Variants in CCSER1 observed in about 807,000 individuals in gnomAD.
CCSER1 encodes the protein coiled-coil serine rich protein 1.
CCSER1 carries 41 observed loss-of-function variants against 82.0 expected under a neutral mutation model. The ratio of observed to expected loss-of-function variants is 0.50; its 90% CI spans 0.39 to 0.65. The LOEUF (loss-of-function observed/expected upper bound fraction) is 0.65. Ranked by LOEUF, CCSER1 falls within the 30% of genes least tolerant of loss-of-function variation. The pLI, the probability that CCSER1 is intolerant of heterozygous loss-of-function variation, is 0.00. For missense variants in CCSER1, 1,119 were observed against 1,064.2 expected, an observed-to-expected ratio of 1.05 and a Z score of -0.72; for synonymous variants, 414 against 383.9, an observed-to-expected ratio of 1.08 and a Z score of -0.92.
At chr4:90,468,669 G>A (rs991056399) in intron 5 of CCSER1, 1 of 178,994 alleles carries the variant, frequency 5.6e-6, no homozygotes, top group African/African-American at 2.3e-5. Flanking sequence ...TACTATATAA[G>A]CTGTAGGCTT....
At position 91,027,537 on chromosome 4, in the gene CCSER1, G is replaced by A. The variant is rs78539822; in HGVS notation, c.2173-58413G>A. Among the ~76,000 whole-genome samples the A allele has an allele frequency of 3.5e-3, 527 of 152,120 alleles. 4 individuals are homozygous for A. Among genetic ancestry groups the A allele is most frequent in the African/African-American group, 0.012 (508 of 41,512 alleles). Reference sequence around the variant, plus strand: ...CTACTTTTATATCTATACTGATGAAGTGAAATGTCTTTTTGGGGCACAGTA... The same window carrying A: ...CTACTTTTATATCTATACTGATGAAATGAAATGTCTTTTTGGGGCACAGTA... On this transcript the variant is annotated intron_variant, in intron 9 of 10. Transcript: ENST00000509176.
At chr4:91,465,560 A>C (rs1194442868) in intron 10 of CCSER1, among the ~76,000 whole-genome samples, 1 of 152,186 alleles carries the variant, frequency 6.6e-6, no homozygotes, top group Non-Finnish European at 1.5e-5. Context: ...CAGTGAATCC[A>C]GGAGCTGGTT....
intron 9 of CCSER1, among the ~76,000 whole-genome samples, chr4:90,924,924 A>C (rs1421732495): frequency 6.6e-6 from 1 of 152,160 alleles, no homozygotes; most frequent in Non-Finnish European, 1.5e-5. Context: ...ACAGGGTTTC[A>C]TCATGTTGGT....
chr4:91,203,046 T>C (rs1055179176), intron 10 of CCSER1, among the ~76,000 whole-genome samples: 15 of 151,992 alleles, frequency 9.9e-5, no homozygotes, highest in Admixed American at 4.6e-4. Flanking sequence ...ATGTAGTCAC[T>C]GTCCGTAGAC....
At chr4:90,824,411 G>A (rs1003626965) in intron 8 of CCSER1, among the ~76,000 whole-genome samples, 1 of 152,058 alleles carries the variant, frequency 6.6e-6, no homozygotes, top group African/African-American at 2.4e-5. Context: ...AAAACTGAAA[G>A]TGTATCATTA....
At chr4:90,835,246 G>C (rs1761650807) in intron 8 of CCSER1, among the ~76,000 whole-genome samples, 1 of 152,194 alleles carries the variant, frequency 6.6e-6, no homozygotes, top group East Asian at 1.9e-4. Context: ...CAGGAGAATG[G>C]CGTGAACCCG....
intron 1 of CCSER1, among the ~76,000 whole-genome samples, chr4:90,193,806 T>C (rs1215332052): frequency 6.6e-6 from 1 of 152,016 alleles, no homozygotes; most frequent in Admixed American, 6.6e-5. Context: ...GAAGAAAATA[T>C]CTATTGATGC....
intron 6 of CCSER1, among the ~76,000 whole-genome samples, chr4:90,672,310 A>G (rs1181377764): frequency 6.6e-6 from 1 of 152,054 alleles, no homozygotes; most frequent in African/African-American, 2.4e-5. Flanking sequence ...TTGCTGCAGC[A>G]TCTTCATCAA....
At chr4:90,283,023 G>T (rs1281927887) in intron 1 of CCSER1, among the ~76,000 whole-genome samples, 1 of 151,918 alleles carries the variant, frequency 6.6e-6, no homozygotes, top group Non-Finnish European at 1.5e-5. Context: ...CTCATGCTTT[G>T]AAAATAAACG....
At chr4:91,078,795 A>C (rs1037846325) in intron 9 of CCSER1, among the ~76,000 whole-genome samples, 5 of 152,258 alleles carry the variant, frequency 3.3e-5, no homozygotes, top group African/African-American at 1.2e-4. Flanking sequence ...CACAAGCTTC[A>C]ATAGCAGATT....
rs1560468157 is a variant in CCSER1, at chr4:91,149,023, T to TG, written c.2217+63029_2217+63030insG. On this transcript the variant is annotated intron_variant, in intron 10 of 10. Coordinates refer to ENST00000509176, the MANE Select transcript of CCSER1 (RefSeq NM_001145065.2). Reference sequence around the variant, plus strand: ...CCAGCAGTGGGATGGCTGGGTCAAATATTTCTAGATCTAGATCCTTGAGGA... The same window carrying TG: ...CCAGCAGTGGGATGGCTGGGTCAAATGATTTCTAGATCTAGATCCTTGAGGA... Among the ~76,000 whole-genome samples the TG allele has an allele frequency of 1.9e-4, 29 of 151,338 alleles. 1 individual carries two copies. In the South Asian group the frequency reaches 6.1e-3, roughly 32 times the overall value.
intron 10 of CCSER1, among the ~76,000 whole-genome samples, chr4:91,506,187 G>T (rs1293494671): frequency 6.6e-6 from 1 of 152,082 alleles, no homozygotes; most frequent in Non-Finnish European, 1.5e-5. Flanking sequence ...TTATTAAATG[G>T]GAATTCTTTC....
intron 2 of CCSER1, among the ~76,000 whole-genome samples, chr4:90,311,081 C>T (rs959465417): frequency 6.6e-6 from 1 of 151,966 alleles, no homozygotes; most frequent in Non-Finnish European, 1.5e-5. Flanking sequence ...AAGAAGATTG[C>T]ATGCACTGTT....
chr4:90,640,856 T>C (rs1205437916), intron 6 of CCSER1, among the ~76,000 whole-genome samples: 1 of 152,208 alleles, frequency 6.6e-6, no homozygotes, highest in Non-Finnish European at 1.5e-5. Context: ...CCAGCCATGC[T>C]GAATTATGAG....
rs577527828 is a variant in CCSER1, at chr4:90,734,440, A to G, written c.2010+10449A>G. 1.8e-4 allele frequency among the ~76,000 whole-genome samples: 28 copies of G among 152,300 alleles called. 2 individuals are homozygous for G. In the South Asian group the frequency reaches 5.6e-3, roughly 30 times the overall value. On this transcript the variant is annotated intron_variant, in intron 7 of 10. Transcript: ENST00000509176. ...CATTTTAACAATATTGATTCTTCCA[A>G]TTTATGAATCTAGAATATCTTTTCA...
chr4:90,801,929 A>G (rs7668421), intron 7 of CCSER1, among the ~76,000 whole-genome samples: 39,201 of 151,908 alleles, frequency 0.26, 5,458 homozygotes, highest in East Asian at 0.41. Flanking sequence ...GAATATATGT[A>G]TAATTCTAGG....
chr4:90,414,997 G>GA (rs1008074685), intron 4 of CCSER1, among the ~76,000 whole-genome samples: 4 of 151,646 alleles, frequency 2.6e-5, no homozygotes, highest in Admixed American at 6.6e-5. Flanking sequence ...ACCAGGATAT[G>GA]AAAAAAAATA....
At chr4:90,732,857 G>A (rs1744998798) in intron 7 of CCSER1, among the ~76,000 whole-genome samples, 1 of 152,108 alleles carries the variant, frequency 6.6e-6, no homozygotes, top group African/African-American at 2.4e-5. Flanking sequence ...ACAAATGATA[G>A]CATCTAATTC....
chr4:91,423,462 A>G (rs769377676), intron 10 of CCSER1, among the ~76,000 whole-genome samples: 2 of 152,096 alleles, frequency 1.3e-5, no homozygotes, highest in African/African-American at 2.4e-5. Flanking sequence ...TAACGGTAGA[A>G]AAAGAATATA....
Sources: gnomAD v4.1 joint callset for allele counts (sites outside exome capture counted in the v4.1 genomes callset) on GRCh38, gnomAD v4.1.1 for gene constraint, MANE v1.5 for transcripts, NCBI Gene and HGNC (gene_info 2026-07-23, HGNC 2026-07-21) for gene names.